Variants in MMP2 observed in about 807,000 individuals in gnomAD.
The protein encoded by MMP2 is matrix metallopeptidase 2.
In MMP2, 39 loss-of-function variants were observed where a neutral mutation model predicts 74.8. The observed-to-expected ratio is 0.52, with a 90% CI of 0.40 to 0.68. MMP2 has a LOEUF of 0.68. MMP2 is among the 30% of genes least tolerant of loss of function. The pLI, the probability that MMP2 is intolerant of heterozygous loss-of-function variation, is 0.00. For missense variants in MMP2, 803 were observed against 878.3 expected, an observed-to-expected ratio of 0.91 and a Z score of 1.08; for synonymous variants, 367 against 339.8, an observed-to-expected ratio of 1.08 and a Z score of -0.88.
At chr16:55,495,954 C>CA (rs1242653036) in intron 9 of MMP2, among the ~76,000 whole-genome samples, 1 of 152,204 alleles carries the variant, frequency 6.6e-6, no homozygotes, top group African/African-American at 2.4e-5. Context: ...CACAGACCCC[C>CA]AGATGTGAAA....
At chr16:55,493,373 C>T (rs1197631091) in intron 9 of MMP2, 80 bp downstream of exon 9, 23 of 1,584,732 alleles carry the variant, frequency 1.5e-5, no homozygotes, top group Admixed American at 3.3e-5. Flanking sequence ...CCTCACTCTT[C>T]GCTGAAGACT....
At chr16:55,492,535 AT>A (rs1184729695) in intron 8 of MMP2, among the ~76,000 whole-genome samples, 2 of 151,896 alleles carry the variant, frequency 1.3e-5, no homozygotes, top group East Asian at 3.9e-4. Flanking sequence ...AAAATATTTA[AT>A]GGTCCAGGTG....
At position 55,506,077 on chromosome 16, in the gene MMP2, G is replaced by C. The variant is rs1468979835; in HGVS notation, c.*635G>C. The C allele has an allele frequency of 6.5e-6, 1 of 153,568 alleles. No homozygotes were observed. Among genetic ancestry groups the C allele is most frequent in the Non-Finnish European group, 1.4e-5 (1 of 69,070 alleles). The allele number at this position is 153,568 out of a possible 1,614,324, so 9.5% of individuals were successfully genotyped here. A position where few individuals can be genotyped will look rare whatever the true frequency, so the allele number is the denominator to read the frequency against. Reference sequence around the variant, plus strand: ...GTGCATCTCAGCCCACATAGTGATGGTTCCCCTGTTCACTCTACTTAGCAT... The same window carrying C: ...GTGCATCTCAGCCCACATAGTGATGCTTCCCCTGTTCACTCTACTTAGCAT... On this transcript the variant is annotated 3_prime_UTR_variant, in exon 13 of 13. Transcript: ENST00000219070.
At chr16:55,500,498 C>T (rs1962641844) in intron 11 of MMP2, among the ~76,000 whole-genome samples, 1 of 55,354 alleles carries the variant, frequency 1.8e-5, no homozygotes, top group Admixed American at 2.4e-4. Context: ...TGCGCATACA[C>T]ACACACACAC....
At chr16:55,500,386 G>A (rs1382332733) in intron 11 of MMP2, among the ~76,000 whole-genome samples, 2 of 152,162 alleles carry the variant, frequency 1.3e-5, no homozygotes, top group Non-Finnish European at 2.9e-5. Flanking sequence ...AAATTATGGT[G>A]TTGGAAGAAC....
Position 55,484,037 on chromosome 16 carries a change from T to C in MMP2, c.402T>C (p.Asp134=). 1 of 1,614,188 alleles carries C rather than the reference T, an allele frequency of 6.2e-7. No individual in the cohort carries two copies. The highest frequency in any genetic ancestry group is 8.5e-7 in the Non-Finnish European group (1 of 1,180,026). ...CCAGGATCATTGGCTACACACCTGA[T>C]CTGGACCCAGAGACAGTGGATGATG... ...ITYRIIGYTP[D]LDPETVDDAF... The change falls in exon 3 of 13, where the codon GAT becomes GAC. Residue 134 remains aspartate, a synonymous_variant. Coordinates refer to ENST00000219070, the MANE Select transcript of MMP2 (RefSeq NM_004530.6).
At chr16:55,486,354 T>TGC (rs1962258046) in intron 5 of MMP2, among the ~76,000 whole-genome samples, 2 of 66,514 alleles carry the variant, frequency 3.0e-5, no homozygotes. Context: ...TGCCTGTGTG[T>TGC]GTGTGTGTGT....
intron 11 of MMP2, among the ~76,000 whole-genome samples, chr16:55,500,504 C>CACAT (rs1350013127): frequency 1.5e-5 from 2 of 135,628 alleles, no homozygotes; most frequent in African/African-American, 5.3e-5. Flanking sequence ...TACACACACA[C>CACAT]ACACACACAC....
chr16:55,494,666 G>A (rs539350552), intron 9 of MMP2, among the ~76,000 whole-genome samples: 21 of 152,350 alleles, frequency 1.4e-4, no homozygotes, highest in South Asian at 2.1e-4. Flanking sequence ...AGGAATCTGC[G>A]TTTTAGCAAA....
chr16:55,495,838 C>T (rs1204007320), intron 9 of MMP2, among the ~76,000 whole-genome samples: 1 of 152,104 alleles, frequency 6.6e-6, no homozygotes, highest in African/African-American at 2.4e-5. Context: ...ATCCTAAGGC[C>T]GGTTCTACCT....
intron 9 of MMP2, among the ~76,000 whole-genome samples, chr16:55,493,645 C>T (rs1294144638): frequency 6.6e-6 from 1 of 152,230 alleles, no homozygotes; most frequent in Non-Finnish European, 1.5e-5. Context: ...AAAGCCTCCA[C>T]TCACATCTTG....
In MMP2 at chr16:55,484,180, G is replaced by A. The variant is rs1228136675; in HGVS notation, c.529+16G>A. 2 of 1,613,136 alleles carry A rather than the reference G, an allele frequency of 1.2e-6. No homozygotes were observed. The highest frequency in any genetic ancestry group is 1.1e-5 in the South Asian group (1 of 90,962). The stretch of plus-strand genomic sequence containing the variant: ...GGCCGCTGGGGTAGGCAGAAGATGG[G>A]GCAGAAGAGGGGCCAGCAGGGATCA... On this transcript the variant is annotated intron_variant, in intron 3 of 12. Coordinates refer to ENST00000219070, the MANE Select transcript of MMP2 (RefSeq NM_004530.6).
chr16:55,484,271 G>A, intron 3 of MMP2, 107 bp downstream of exon 3: 1 of 1,348,120 alleles, frequency 7.4e-7, no homozygotes, highest in Non-Finnish European at 1.0e-6. Context: ...GGCTTAGATA[G>A]GACAGTAGAT....
intron 2 of MMP2, among the ~76,000 whole-genome samples, chr16:55,483,675 A>G (rs948018683): frequency 6.6e-6 from 1 of 152,044 alleles, no homozygotes; most frequent in South Asian, 2.1e-4. Flanking sequence ...ATAATGCACT[A>G]CTTATGGCCC....
At chr16:55,493,391 A>C in intron 9 of MMP2, 98 bp downstream of exon 9, 5 of 1,509,192 alleles carry the variant, frequency 3.3e-6, no homozygotes, top group Non-Finnish European at 4.6e-6. Flanking sequence ...ACTCCGCCAA[A>C]TGCTTCCCAG....
In MMP2 at chr16:55,482,997, T is replaced by C. The variant is rs768136301; in HGVS notation, c.242T>C (p.Phe81Ser). The change falls in exon 2 of 13, where the codon TTT becomes TCT. Residue 81 changes from phenylalanine (F) to serine (S), a missense_variant. This residue lies in a region of MMP2 where 223 missense variants were observed against 232.8 expected (regional missense o/e 0.96). Coordinates refer to ENST00000219070, the MANE Select transcript of MMP2 (RefSeq NM_004530.6). Reference sequence around the variant, plus strand: ...ACACTAAAGAAGATGCAGAAGTTCTTTGGACTGCCCCAGACAGGTGATCTT... The same window carrying C: ...ACACTAAAGAAGATGCAGAAGTTCTCTGGACTGCCCCAGACAGGTGATCTT... ...KDTLKKMQKF[F>S]GLPQTGDLDQ... The C allele has an allele frequency of 3.1e-6, 5 of 1,614,160 alleles. No homozygotes were observed. The highest frequency in any genetic ancestry group is 4.2e-6 in the Non-Finnish European group (5 of 1,180,030).
rs145192533 is a variant in MMP2 at position 55,493,187 on chromosome 16, G to A, written c.1366G>A (p.Gly456Ser). Residue 456 changes from glycine (G) to serine (S), a missense_variant, in exon 9 of 13, where the codon GGC becomes AGC. This residue lies in a region of MMP2 where 555 missense variants were observed against 592.0 expected (regional missense o/e 0.94). Transcript: ENST00000219070. ...CTCTCCTGACATTGACCTTGGCACC[G>A]GCCCCACCCCCACGCTGGGCCCTGT... is the stretch of plus-strand genomic sequence containing the variant. ...GASPDIDLGT[G>S]PTPTLGPVTP... The A allele has an allele frequency of 1.0e-4, 167 of 1,613,868 alleles. No individual in the cohort carries two copies. Among genetic ancestry groups the A allele is most frequent in the African/African-American group, 3.1e-4 (23 of 74,886 alleles).
chr16:55,503,804 G>A (rs1485764411), intron 12 of MMP2, among the ~76,000 whole-genome samples: 14 of 152,142 alleles, frequency 9.2e-5, no homozygotes, highest in Non-Finnish European at 2.1e-4. Context: ...CAGAGCACAT[G>A]CCTCATTTAC....
In MMP2 at chr16:55,505,737, G is replaced by T. The variant is rs189316191; in HGVS notation, c.*295G>T. On this transcript the variant is annotated 3_prime_UTR_variant, in exon 13 of 13. Coordinates refer to ENST00000219070, the MANE Select transcript of MMP2 (RefSeq NM_004530.6). The stretch of plus-strand genomic sequence containing the variant: ...TTTCAACGCAGCCCTGCTTTGGGCT[G>T]CCCTGGTGCTGCCACACTTCAGGCT... 1.1e-5 allele frequency: 5 copies of T among 462,556 alleles called. No homozygotes were observed. The East Asian group carries it at 1.7e-4, about 16-fold the overall frequency. The allele number at this position is 462,556 out of a possible 1,614,324, so 28.7% of individuals were successfully genotyped here.
Sources: gnomAD v4.1 joint callset for allele counts (sites outside exome capture counted in the v4.1 genomes callset) on GRCh38, gnomAD v4.1.1 for gene constraint, gnomAD v4.1.1 regional missense constraint, MANE v1.5 for transcripts, NCBI Gene and HGNC (gene_info 2026-07-23, HGNC 2026-07-21) for gene names.